CUEDC2: variants seen among roughly 807,000 people sequenced by gnomAD.
CUEDC2 encodes CUE domain containing 2.
Under a neutral mutation model 36.0 loss-of-function variants are expected in CUEDC2, and 10 were observed. That is an observed-to-expected ratio of 0.28 (90% confidence interval 0.17 to 0.47). CUEDC2 has a LOEUF of 0.47. Ranked by LOEUF, CUEDC2 falls within the 20% of genes least tolerant of loss-of-function variation. The probability of loss-of-function intolerance (pLI) is 0.99; values close to 1 mark genes in which losing one functional copy is unlikely to be tolerated. For missense variants in CUEDC2, 269 were observed against 368.1 expected (o/e 0.73, Z 2.20); for synonymous variants, 133 against 141.8 (o/e 0.94, Z 0.44).
intron 1 of CUEDC2, 117 bp downstream of exon 1, chr10:102,432,409 T>TG (rs1399295930): frequency 8.8e-5 from 13 of 148,328 alleles, no homozygotes; most frequent in Non-Finnish European, 1.8e-4. Flanking sequence ...GAATCAGAGA[T>TG]GGGGGTCCGA....
At chr10:102,431,900 C>T (rs1455154068) in intron 1 of CUEDC2, among the ~76,000 whole-genome samples, 1 of 152,132 alleles carries the variant, frequency 6.6e-6, no homozygotes, top group Non-Finnish European at 1.5e-5. Flanking sequence ...TATGCTGCTC[C>T]CTTGGGGTGG....
At chr10:102,431,127 T>A (rs2061615293) in intron 1 of CUEDC2, among the ~76,000 whole-genome samples, 1 of 152,130 alleles carries the variant, frequency 6.6e-6, no homozygotes, top group Non-Finnish European at 1.5e-5. Context: ...CCCCATTTTA[T>A]TTTATTTATT....
At chr10:102,430,405 G>A (rs1442744092) in intron 1 of CUEDC2, among the ~76,000 whole-genome samples, 2 of 152,050 alleles carry the variant, frequency 1.3e-5, no homozygotes, top group South Asian at 4.1e-4. Flanking sequence ...CCGACCTCAG[G>A]TGATCTGCCC....
rs1328658096 is a variant in CUEDC2 at position 102,424,539 on chromosome 10, C to T, written c.240G>A (p.Met80Ile). ...CGCTCAGCTGCCCTGAGAGCTTCTG[C>T]ATCATGTCCCCTATTGTGCCCCTGA... Reference protein sequence around the residue: ...HIPRGTIGDMMQKLSGQLSDA... With the variant: ...HIPRGTIGDMIQKLSGQLSDA... Residue 80 changes from methionine to isoleucine, a missense_variant, in exon 4 of 9, where the codon ATG becomes ATA. Physicochemically the swap from Met to Ile is conservative, Grantham distance 10. Coordinates refer to ENST00000369937, the MANE Select transcript of CUEDC2 (RefSeq NM_024040.3). This position sits in a 1 kb window ranked among gnomAD's most constrained non-coding sequence, Gnocchi z 4.2. 6.2e-7 allele frequency: 1 copy of T among 1,614,072 alleles called. No individual in the cohort carries two copies. The highest frequency in any genetic ancestry group is 1.3e-5 in the African/African-American group (1 of 74,926).
chr10:102,424,174 G>T lies in CUEDC2; in HGVS notation c.416C>A (p.Thr139Asn). The T allele has an allele frequency of 6.2e-7, 1 of 1,613,826 alleles. No individual in the cohort carries two copies. The highest frequency in any genetic ancestry group is 8.5e-7 in the Non-Finnish European group (1 of 1,179,854). ...TGGCAGAAGCTCCTCCTCAGCGCCA[G>T]TTGCCTAAGGGTACAAACGTTAACA... ...AAAADTQDEA[T>N]GAEEELLPGV... Residue 139 changes from threonine to asparagine, a missense_variant, in exon 6 of 9, where the codon ACT becomes AAT. Physicochemically the swap from Thr to Asn is moderately conservative, Grantham distance 65. Coordinates refer to ENST00000369937, the MANE Select transcript of CUEDC2 (RefSeq NM_024040.3). This position sits in a 1 kb window ranked among gnomAD's most constrained non-coding sequence, Gnocchi z 4.2.
chr10:102,430,511 C>A (rs931164352), intron 1 of CUEDC2, among the ~76,000 whole-genome samples: 14 of 152,190 alleles, frequency 9.2e-5, no homozygotes, highest in Non-Finnish European at 2.1e-4. Flanking sequence ...AGGGATGTGT[C>A]TCATGCTTCT....
chr10:102,427,676 A>C (rs2902543), intron 1 of CUEDC2, among the ~76,000 whole-genome samples: 151,565 of 152,230 alleles, frequency 1, 75,459 homozygotes, highest in Middle Eastern at 1. Context: ...GCCTGCAAGA[A>C]CTTCCTAACC....
intron 1 of CUEDC2, among the ~76,000 whole-genome samples, chr10:102,430,147 T>TTTTATTTATTTATTTATTTATTTATTTA (rs71016380): frequency 6.6e-5 from 8 of 120,476 alleles, no homozygotes; most frequent in African/African-American, 2.3e-4. Context: ...TTTTTTTTAA[T>TTTTATTTATTTATTTATTTATTTATTTA]TTTATTTATT....
Position 102,424,440 on chromosome 10 carries a change from G to A in CUEDC2, c.281-46C>T. The stretch of plus-strand genomic sequence containing the variant: ...ATCAGGTTTGCCAAGGCTCTGGGGA[G>A]CAGGCAGTTGGGGGAGCGGGATTAT... On this transcript the variant is annotated intron_variant, in intron 4 of 8. Coordinates refer to ENST00000369937, the MANE Select transcript of CUEDC2 (RefSeq NM_024040.3). This position sits in a 1 kb window ranked among gnomAD's most constrained non-coding sequence, Gnocchi z 4.2. The A allele has an allele frequency of 6.2e-7, 1 of 1,614,108 alleles. No homozygotes were observed. The highest frequency in any genetic ancestry group is 2.2e-5 in the East Asian group (1 of 44,888).
Position 102,424,134 on chromosome 10 carries a change from G to A in CUEDC2, c.456C>T (p.Leu152=), listed in dbSNP as rs1211456322. Residue 152 remains leucine, a synonymous_variant, in exon 6 of 9, where the codon CTC becomes CTT. Transcript: ENST00000369937. This position sits in a 1 kb window ranked among gnomAD's most constrained non-coding sequence, Gnocchi z 4.2. ...CCGAACAGGTAGGGAACACCTCCAG[G>A]AGTACATCCACCCCTGGCAGAAGCT... ...EEELLPGVDV[L]LEVFPTCSVE... 3 of 1,613,968 alleles carry A rather than the reference G, an allele frequency of 1.9e-6. No individual in the cohort carries two copies. The highest frequency in any genetic ancestry group is 1.1e-5 in the South Asian group (1 of 91,094).
At chr10:102,426,642 C>CT (rs1368768679) in intron 1 of CUEDC2, among the ~76,000 whole-genome samples, 4 of 151,894 alleles carry the variant, frequency 2.6e-5, no homozygotes, top group Admixed American at 6.6e-5. Flanking sequence ...TCTTCTTTTT[C>CT]TTTTTTTTAG....
At position 102,424,560 on chromosome 10, in the gene CUEDC2, C is replaced by T; in HGVS notation, c.219G>A (p.Arg73=). The part of the protein sequence containing the change: ...AYVPGFAHIP[R]GTIGDMMQKL... Reference sequence around the variant, plus strand: ...TCTGCATCATGTCCCCTATTGTGCCCCTGAAAAGATGAGGGCAGTGAGAGG... The same window carrying T: ...TCTGCATCATGTCCCCTATTGTGCCTCTGAAAAGATGAGGGCAGTGAGAGG... The change falls in exon 4 of 9, where the codon AGG becomes AGA. Residue 73 remains arginine, a splice_region_variant and synonymous_variant. Coordinates refer to ENST00000369937, the MANE Select transcript of CUEDC2 (RefSeq NM_024040.3). The surrounding 1 kb of genome is among the most constrained non-coding windows in gnomAD (Gnocchi z 4.2). 1 of 1,614,142 alleles carries T rather than the reference C, an allele frequency of 6.2e-7. No individual in the cohort carries two copies. Among genetic ancestry groups the T allele is most frequent in the South Asian group, 1.1e-5 (1 of 91,082 alleles).
chr10:102,424,216 C>G lies in CUEDC2; in HGVS notation c.412-38G>C, dbSNP rs188851626. On this transcript the variant is annotated intron_variant, in intron 5 of 8. Transcript: ENST00000369937. This position sits in a 1 kb window ranked among gnomAD's most constrained non-coding sequence, Gnocchi z 4.2. ...ACGTTAACAAGAGGCAATACTCCCC[C>G]CTTTCCAGCCCCCTGGGTCCCTCAT... The G allele has an allele frequency of 2.0e-5, 33 of 1,610,512 alleles. No individual in the cohort carries two copies. Among genetic ancestry groups the G allele is most frequent in the South Asian group, 1.1e-4 (10 of 90,762 alleles).
At chr10:102,425,038 T>C (rs908464157) in intron 2 of CUEDC2, 77 bp downstream of exon 2, 140 of 1,276,462 alleles carry the variant, frequency 1.1e-4, no homozygotes, top group Non-Finnish European at 1.6e-4. Context: ...TGTCTTTCCA[T>C]CAGCCAGTAC....
At chr10:102,428,824 C>G (rs1200802030) in intron 1 of CUEDC2, among the ~76,000 whole-genome samples, 1 of 152,086 alleles carries the variant, frequency 6.6e-6, no homozygotes, top group African/African-American at 2.4e-5. Context: ...GAGATCAAGA[C>G]CATCTTGGCT....
chr10:102,430,133 T>TTC (rs2061611344), intron 1 of CUEDC2, among the ~76,000 whole-genome samples: 1 of 122,004 alleles, frequency 8.2e-6, no homozygotes, highest in African/African-American at 3.3e-5. Context: ...CAGGTTTTCT[T>TTC]TTTTTTTTTT....
At chr10:102,430,638 T>TC (rs1375532072) in intron 1 of CUEDC2, among the ~76,000 whole-genome samples, 2 of 42,144 alleles carry the variant, frequency 4.7e-5, no homozygotes, top group Non-Finnish European at 8.7e-5. Context: ...GGGAACATCC[T>TC]CCCTCCCTCC....
At chr10:102,427,072 AGGG>A (rs1005953331) in intron 1 of CUEDC2, among the ~76,000 whole-genome samples, 6 of 151,722 alleles carry the variant, frequency 4.0e-5, no homozygotes, top group Admixed American at 3.3e-4. Flanking sequence ...ACAAAAAAAA[AGGG>A]GGGAATTTCT....
chr10:102,423,972 G>A lies in CUEDC2; in HGVS notation c.594+24C>T, dbSNP rs995749939. Reference sequence around the variant, plus strand: ...GGTGGAATGTAGCTGAGGCTACATGGTAGAGGGTGCTGGGAAAAGATACCT... The same window carrying A: ...GGTGGAATGTAGCTGAGGCTACATGATAGAGGGTGCTGGGAAAAGATACCT... On this transcript the variant is annotated intron_variant, in intron 6 of 8. Transcript: ENST00000369937. This position sits in a 1 kb window ranked among gnomAD's most constrained non-coding sequence, Gnocchi z 5.6. 15 of 1,611,146 alleles carry A rather than the reference G, an allele frequency of 9.3e-6. No homozygotes were observed. In the African/African-American group the frequency reaches 1.7e-4, roughly 19 times the overall value.
Sources: allele counts gnomAD v4.1 joint callset (sites outside exome capture counted in the v4.1 genomes callset), GRCh38; gene constraint gnomAD v4.1.1; non-coding constraint Gnocchi (gnomAD v3.1); transcripts MANE v1.5; gene names NCBI Gene and HGNC (gene_info 2026-07-23, HGNC 2026-07-21).